Variants in SLC13A5 observed in about 807,000 individuals in gnomAD.
SLC13A5 encodes the protein solute carrier family 13 member 5.
A neutral mutation model predicts 56.5 loss-of-function variants in SLC13A5; 25 were observed. That is an observed-to-expected ratio of 0.44 (90% CI 0.32 to 0.62). The LOEUF is 0.62. Among genes scored for constraint, SLC13A5 ranks in the 20% least tolerant of loss-of-function variants. The pLI, the probability that SLC13A5 is intolerant of heterozygous loss-of-function variation, is 0.04. For synonymous variants in SLC13A5, 307 were observed against 301.5 expected (o/e 1.02, Z -0.19); for missense variants, 649 against 737.8 (o/e 0.88, Z 1.39).
At chr17:6,704,338 T>C in intron 3 of SLC13A5, 1 of 569,482 alleles carries the variant, frequency 1.8e-6, no homozygotes, top group South Asian at 1.6e-5. Flanking sequence ...TCAGATCCAG[T>C]CGTGGTTCTA....
intron 9 of SLC13A5, among the ~76,000 whole-genome samples, chr17:6,691,809 C>A (rs1973412714): frequency 6.6e-6 from 1 of 152,176 alleles, no homozygotes; most frequent in South Asian, 2.1e-4. Context: ...ATCTGACCAA[C>A]TCACCCCCTG....
intron 5 of SLC13A5, among the ~76,000 whole-genome samples, chr17:6,702,251 T>G (rs1480947402): frequency 6.6e-6 from 1 of 152,124 alleles, no homozygotes; most frequent in Admixed American, 6.5e-5. Context: ...AATTAGTACA[T>G]TTATGTACCA....
Position 6,704,021 on chromosome 17 carries a change from A to G in SLC13A5, c.404T>C (p.Leu135Pro). The G allele has an allele frequency of 6.2e-7, 1 of 1,613,116 alleles. No individual in the cohort carries two copies. Among genetic ancestry groups the G allele is most frequent in the East Asian group, 2.2e-5 (1 of 44,832 alleles). ...TGCCGTGTTACTGATCCACATGGACAGGAGGGCTGTGACGCCCATGAAGCC... is the reference window on the plus strand; with the variant it reads ...TGCCGTGTTACTGATCCACATGGACGGGAGGGCTGTGACGCCCATGAAGCC... The part of the protein sequence containing the change: ...MLGFMGVTAL[L>P]SMWISNTATT... Residue 135 changes from leucine (L) to proline (P), a missense_variant, in exon 4 of 12, where the codon CTG (leucine) becomes CCG (proline). Transcript: ENST00000433363.
At position 6,690,765 on chromosome 17, in the gene SLC13A5, G is replaced by A. The variant is rs770725596; in HGVS notation, c.1437+14C>T. ...TGAAATGGAAGGGCTCCTCCCCACTGTCAGGTTACTTACCATGGAGGCAAA... is the reference window on the plus strand; with the variant it reads ...TGAAATGGAAGGGCTCCTCCCCACTATCAGGTTACTTACCATGGAGGCAAA... On this transcript the variant is annotated intron_variant, in intron 10 of 11. Coordinates refer to ENST00000433363, the MANE Select transcript of SLC13A5 (RefSeq NM_177550.5). 6.2e-7 allele frequency: 1 copy of A among 1,614,190 alleles called. No homozygotes were observed.
At chr17:6,702,864 C>T in intron 5 of SLC13A5, 106 bp downstream of exon 5, 1 of 1,429,772 alleles carries the variant, frequency 7.0e-7, no homozygotes, top group Non-Finnish European at 9.5e-7. Flanking sequence ...GGTCTGGCTG[C>T]CCCGAGGCTT....
intron 7 of SLC13A5, 101 bp downstream of exon 7, chr17:6,695,625 A>G (rs1309694952): frequency 2.5e-6 from 3 of 1,195,096 alleles, no homozygotes; most frequent in Non-Finnish European, 3.6e-6. Flanking sequence ...TCCTGACCTC[A>G]AGTGACCCAC....
In SLC13A5 at chr17:6,711,661, TTG is replaced by T. The variant is rs1040706811; in HGVS notation, c.102+1569_102+1570del. On this transcript the variant is annotated intron_variant, in intron 1 of 11. Coordinates refer to ENST00000433363, the MANE Select transcript of SLC13A5 (RefSeq NM_177550.5). The surrounding 1 kb of genome is among the most constrained non-coding windows in gnomAD (Gnocchi z 4.0). Reference sequence around the variant, plus strand: ...GTGTGTTTTGTGTGTGTCTGTGTGTTTGTGTGTGTGTCTGTGTGTGTTTGTGA... The same window carrying T: ...GTGTGTTTTGTGTGTGTCTGTGTGTTTGTGTGTGTCTGTGTGTGTTTGTGA... Among the ~76,000 whole-genome samples, 1 of 149,788 alleles carries T rather than the reference TTG, an allele frequency of 6.7e-6. No homozygotes were observed. The highest frequency in any genetic ancestry group is 1.5e-5 in the Non-Finnish European group (1 of 67,214).
intron 6 of SLC13A5, among the ~76,000 whole-genome samples, chr17:6,699,595 C>A (rs1475646608): frequency 6.6e-6 from 1 of 152,152 alleles, no homozygotes; most frequent in Non-Finnish European, 1.5e-5. Flanking sequence ...CTCAGCCTCC[C>A]AAGTAGCTGG....
rs1258344040 is a variant in SLC13A5 at position 6,707,127 on chromosome 17, G to A, written c.132C>T (p.Leu44=). 3 of 1,613,950 alleles carry A rather than the reference G, an allele frequency of 1.9e-6. No individual in the cohort carries two copies. The highest frequency in any genetic ancestry group is 2.5e-6 in the Non-Finnish European group (3 of 1,180,028). Residue 44 remains leucine, a synonymous_variant, in exon 2 of 12, where the codon CTC becomes CTT. Transcript: ENST00000433363. ...KFVRCAYVII[L]MAIYWCTEVI... is the part of the protein sequence containing the mutation. ...CTTCTGTGCACCAGTAAATGGCCATGAGGATGATGACGTAGGCACACCTGA... is the reference window on the plus strand; with the variant it reads ...CTTCTGTGCACCAGTAAATGGCCATAAGGATGATGACGTAGGCACACCTGA...
chr17:6,698,776 A>G (rs750756325), intron 6 of SLC13A5, among the ~76,000 whole-genome samples: 1 of 152,176 alleles, frequency 6.6e-6, no homozygotes, highest in Non-Finnish European at 1.5e-5. Context: ...GGTGGCTCAC[A>G]TCTGTAACGC....
At chr17:6,707,971 ATT>A (rs35104296) in intron 1 of SLC13A5, among the ~76,000 whole-genome samples, 50,699 of 148,644 alleles carry the variant, frequency 0.34, 9,181 homozygotes, top group East Asian at 0.51. Context: ...TTTCATCAGT[ATT>A]TTTTGTGTGT....
intron 3 of SLC13A5, chr17:6,704,994 G>A (rs968042188): frequency 1.3e-5 from 2 of 152,384 alleles, no homozygotes; most frequent in Non-Finnish European, 2.9e-5. Flanking sequence ...GGGACAGAAG[G>A]AGCTCAGCTA....
rs2150964713 is a variant in SLC13A5 at position 6,690,794 on chromosome 17, G to A, written c.1422C>T (p.Pro474=). ...GGTTACTTACCATGGAGGCAAAGAT[G>A]GGCAGGAACAAGGTGGTGGTGGCCA... ...SNVATTTLFL[P]IFASMSRSIG... Residue 474 remains proline, a synonymous_variant, in exon 10 of 12, where the codon CCC becomes CCT. Coordinates refer to ENST00000433363, the MANE Select transcript of SLC13A5 (RefSeq NM_177550.5). 1 of 1,614,194 alleles carries A rather than the reference G, an allele frequency of 6.2e-7. No individual in the cohort carries two copies. The highest frequency in any genetic ancestry group is 8.5e-7 in the Non-Finnish European group (1 of 1,180,036).
chr17:6,710,582 A>G (rs1399116573), intron 1 of SLC13A5, among the ~76,000 whole-genome samples: 1 of 152,154 alleles, frequency 6.6e-6, no homozygotes, highest in East Asian at 1.9e-4. Context: ...CCGCGCCACT[A>G]TTTAGAAGCC....
intron 6 of SLC13A5, among the ~76,000 whole-genome samples, chr17:6,699,307 C>G (rs925409302): frequency 2.6e-5 from 4 of 151,998 alleles, no homozygotes; most frequent in African/African-American, 9.7e-5. Flanking sequence ...ATTCAAGAGG[C>G]AGGGCAAAGA....
intron 6 of SLC13A5, 122 bp from the exon 7 acceptor site, chr17:6,696,063 G>T: frequency 1.2e-6 from 1 of 837,340 alleles, no homozygotes; most frequent in Non-Finnish European, 1.9e-6. Flanking sequence ...GTCCTCGCCT[G>T]CTATGGGGCC....
At chr17:6,695,677 C>T in intron 7 of SLC13A5, 49 bp downstream of exon 7, 2 of 1,595,064 alleles carry the variant, frequency 1.3e-6, no homozygotes, top group Non-Finnish European at 1.7e-6. Flanking sequence ...ATGTGTGAGC[C>T]AACGCGCCTG....
chr17:6,695,049 G>A (rs781627512), intron 7 of SLC13A5, among the ~76,000 whole-genome samples: 2 of 152,170 alleles, frequency 1.3e-5, no homozygotes, highest in Non-Finnish European at 2.9e-5. Flanking sequence ...GATGAGAAAG[G>A]GAAGATGGCA....
chr17:6,693,178 A>AACACACACAC lies in SLC13A5; in HGVS notation c.1157-26_1157-17dup, dbSNP rs200900896. The AACACACACAC allele has an allele frequency of 5.2e-3, 3,600 of 696,892 alleles. 21 individuals are homozygous for AACACACACAC. The highest frequency in any genetic ancestry group is 0.019 in the Admixed American group (682 of 36,144). 43.2% of individuals were successfully genotyped at this position (696,892 alleles called of 1,614,324 possible). A position where few individuals can be genotyped will look rare whatever the true frequency, so the allele number is the denominator to read the frequency against. ...GTTTTCCTTTCTGGGAAGAAAAAGA[A>AACACACACAC]ACACACACACACACACACACACACA... On this transcript the variant is annotated splice_polypyrimidine_tract_variant and intron_variant, in intron 8 of 11. Coordinates refer to ENST00000433363, the MANE Select transcript of SLC13A5 (RefSeq NM_177550.5).
Sources: gnomAD v4.1 joint callset for allele counts (sites outside exome capture counted in the v4.1 genomes callset) on GRCh38, gnomAD v4.1.1 for gene constraint, Gnocchi (gnomAD v3.1) non-coding constraint, MANE v1.5 for transcripts, NCBI Gene and HGNC (gene_info 2026-07-23, HGNC 2026-07-21) for gene names.